LURAP1L: variants seen among roughly 807,000 people sequenced by gnomAD.
LURAP1L encodes leucine rich adaptor protein 1-like.
A neutral mutation model predicts 13.8 loss-of-function variants in LURAP1L; 12 were observed. That is an observed-to-expected ratio of 0.87 (90% confidence interval 0.56 to 1.41). LURAP1L has a LOEUF of 1.41. LURAP1L is among the 40% of genes most tolerant of loss of function. LURAP1L has a pLI of 0.00. For synonymous variants in LURAP1L, 139 were observed against 119.2 expected, an observed-to-expected ratio of 1.17 and a Z score of -1.08; for missense variants, 375 against 292.9, an observed-to-expected ratio of 1.28 and a Z score of -2.04.
chr9:12,775,828 G>A lies in LURAP1L; in HGVS notation c.113G>A (p.Arg38Lys). The A allele has an allele frequency of 6.2e-7, 1 of 1,603,856 alleles. No individual in the cohort carries two copies. The highest frequency in any genetic ancestry group is 1.1e-5 in the South Asian group (1 of 90,384). Reference protein sequence around the residue: ...LRGEEPVPRERDRDPCGGSGG... With the variant: ...LRGEEPVPREKDRDPCGGSGG... ...GGGGAGGAGCCGGTTCCCAGGGAAAGGGACAGGGACCCCTGCGGGGGGAGC... is the reference window on the plus strand; with the variant it reads ...GGGGAGGAGCCGGTTCCCAGGGAAAAGGACAGGGACCCCTGCGGGGGGAGC... The change falls in exon 1 of 2, where the codon AGG becomes AAG. Residue 38 changes from arginine (R) to lysine (K), a missense_variant. Physicochemically the swap from Arg to Lys is conservative, Grantham distance 26. Transcript: ENST00000319264.
intron 1 of LURAP1L, among the ~76,000 whole-genome samples, chr9:12,791,188 T>C (rs543137200): frequency 6.6e-6 from 1 of 152,250 alleles, no homozygotes; most frequent in East Asian, 1.9e-4. Flanking sequence ...AGTAGGTTTC[T>C]TGAGTGTTCA....
chr9:12,820,416 T>A (rs571824124), intron 1 of LURAP1L, among the ~76,000 whole-genome samples: 15 of 143,876 alleles, frequency 1.0e-4, no homozygotes, highest in African/African-American at 3.4e-4. Flanking sequence ...GGCAGGAGAA[T>A]GGCGTGAACT....
intron 1 of LURAP1L, among the ~76,000 whole-genome samples, chr9:12,783,155 A>T (rs1331238800): frequency 1.3e-5 from 2 of 152,136 alleles, no homozygotes; most frequent in Non-Finnish European, 2.9e-5. Context: ...TTTGCAAATA[A>T]GAATAATTTG....
intron 1 of LURAP1L, among the ~76,000 whole-genome samples, chr9:12,800,480 A>T (rs543168369): frequency 2.0e-5 from 3 of 152,188 alleles, no homozygotes; most frequent in Non-Finnish European, 4.4e-5. Context: ...ACCATTTACT[A>T]CACTGTCTTC....
In LURAP1L at chr9:12,816,381, T is replaced by C. The variant is rs933131719; in HGVS notation, c.313-5005T>C. On this transcript the variant is annotated intron_variant, in intron 1 of 1. Coordinates refer to ENST00000319264, the MANE Select transcript of LURAP1L (RefSeq NM_203403.2). ...AATGAAATCTCCTGATTTTTCTTCA[T>C]GTATAAGGAAACTGAGGTCCTGTAT... is the stretch of plus-strand genomic sequence containing the variant. Among the ~76,000 whole-genome samples, 5 of 152,292 alleles carry C rather than the reference T, an allele frequency of 3.3e-5. No homozygotes were observed. The South Asian group carries it at 8.3e-4, about 25-fold the overall frequency.
chr9:12,820,502 C>G, intron 1 of LURAP1L, among the ~76,000 whole-genome samples: 1 of 41,148 alleles, frequency 2.4e-5, no homozygotes. Context: ...GACTCCGTCC[C>G]CCCCCCCCCC....
intron 1 of LURAP1L, among the ~76,000 whole-genome samples, chr9:12,805,860 G>A (rs778475651): frequency 5.9e-5 from 9 of 152,156 alleles, no homozygotes; most frequent in Non-Finnish European, 1.0e-4. Flanking sequence ...TGATCCAGTA[G>A]CAGTTGTGAA....
intron 1 of LURAP1L, among the ~76,000 whole-genome samples, chr9:12,801,842 T>C (rs1444631150): frequency 6.6e-6 from 1 of 152,184 alleles, no homozygotes; most frequent in Non-Finnish European, 1.5e-5. Flanking sequence ...AGGGAGGAAA[T>C]AGGAGATCAA....
intron 1 of LURAP1L, among the ~76,000 whole-genome samples, chr9:12,786,181 T>C (rs548186075): frequency 6.6e-6 from 1 of 152,120 alleles, no homozygotes. Flanking sequence ...TATGGAGTGT[T>C]AGATAATATA....
intron 1 of LURAP1L, among the ~76,000 whole-genome samples, chr9:12,781,964 G>A (rs539417656): frequency 2.0e-5 from 3 of 152,302 alleles, no homozygotes; most frequent in East Asian, 1.9e-4. Context: ...ACTGGGGTGA[G>A]ATAATATTTC....
chr9:12,780,550 T>G (rs2118459983), intron 1 of LURAP1L, among the ~76,000 whole-genome samples: 1 of 152,278 alleles, frequency 6.6e-6, no homozygotes, highest in Non-Finnish European at 1.5e-5. Flanking sequence ...TAACTATGAT[T>G]CCCAGCCTGT....
intron 1 of LURAP1L, among the ~76,000 whole-genome samples, chr9:12,778,495 G>A (rs566075538): frequency 1.3e-5 from 2 of 152,298 alleles, no homozygotes; most frequent in East Asian, 1.9e-4. Context: ...GATGCTGGCA[G>A]TAATGAGCAT....
At chr9:12,798,121 A>G (rs1819533631) in intron 1 of LURAP1L, among the ~76,000 whole-genome samples, 1 of 152,158 alleles carries the variant, frequency 6.6e-6, no homozygotes, top group South Asian at 2.1e-4. Context: ...ATAATTTAGT[A>G]TAAAATTGTA....
At chr9:12,797,860 T>G (rs928325240) in intron 1 of LURAP1L, among the ~76,000 whole-genome samples, 4 of 152,170 alleles carry the variant, frequency 2.6e-5, no homozygotes, top group African/African-American at 9.6e-5. Flanking sequence ...AGCTATTATT[T>G]AGTTTCACGT....
At chr9:12,785,570 G>C (rs1023522245) in intron 1 of LURAP1L, among the ~76,000 whole-genome samples, 3 of 152,164 alleles carry the variant, frequency 2.0e-5, no homozygotes, top group Non-Finnish European at 4.4e-5. Flanking sequence ...CCTCTAGCTA[G>C]GTCCAATCTG....
At chr9:12,809,102 T>C (rs1394965473) in intron 1 of LURAP1L, among the ~76,000 whole-genome samples, 3 of 152,048 alleles carry the variant, frequency 2.0e-5, no homozygotes, top group African/African-American at 7.2e-5. Context: ...AGGACTCACA[T>C]GAACGTAGAA....
intron 1 of LURAP1L, among the ~76,000 whole-genome samples, chr9:12,779,663 T>G (rs1249079747): frequency 6.6e-6 from 1 of 152,164 alleles, no homozygotes; most frequent in East Asian, 1.9e-4. Flanking sequence ...AGGTAGTAAG[T>G]GGAGGAGCCA....
intron 1 of LURAP1L, among the ~76,000 whole-genome samples, chr9:12,800,619 C>G (rs370984804): frequency 1.3e-5 from 2 of 151,868 alleles, no homozygotes; most frequent in South Asian, 4.2e-4. Context: ...AAGAATCATT[C>G]AAGAATATCT....
intron 1 of LURAP1L, among the ~76,000 whole-genome samples, chr9:12,808,433 C>T (rs1035585110): frequency 6.6e-6 from 1 of 152,114 alleles, no homozygotes; most frequent in Admixed American, 6.6e-5. Flanking sequence ...ACTATCACCA[C>T]CATCCACCCC....
Sources: allele counts gnomAD v4.1 joint callset (sites outside exome capture counted in the v4.1 genomes callset), GRCh38; gene constraint gnomAD v4.1.1; transcripts MANE v1.5; gene names NCBI Gene and HGNC (gene_info 2026-07-23, HGNC 2026-07-21).